The following WDR41 variants were observed in gnomAD, a reference collection of about 807,000 sequenced individuals.
WDR41 encodes the protein WD repeat domain 41, also known as WD repeat-containing protein 41.
WDR41 carries 63 observed loss-of-function variants against 69.3 expected under a neutral mutation model. The observed-to-expected ratio is 0.91, with a 90% CI of 0.74 to 1.12. WDR41 has a LOEUF of 1.12. Among genes scored for constraint, WDR41 ranks in the 50% most tolerant of loss-of-function variants. The probability of loss-of-function intolerance (pLI) is 0.00; values close to 1 mark genes in which losing one functional copy is unlikely to be tolerated. For synonymous variants in WDR41, 185 were observed against 192.1 expected, an observed-to-expected ratio of 0.96 and a Z score of 0.31; for missense variants, 543 against 534.5, an observed-to-expected ratio of 1.02 and a Z score of -0.16.
intron 1 of WDR41, among the ~76,000 whole-genome samples, chr5:77,536,070 G>A (rs777467107): frequency 2.6e-5 from 4 of 152,232 alleles, no homozygotes; most frequent in South Asian, 2.1e-4. Context: ...CCTTGGGAAT[G>A]CCACTAAAGA....
intron 2 of WDR41, among the ~76,000 whole-genome samples, chr5:77,483,026 C>T (rs1015358266): frequency 2.0e-5 from 3 of 152,178 alleles, no homozygotes; most frequent in African/African-American, 7.2e-5. Context: ...CAGCAGTTTC[C>T]ATCATATATT....
chr5:77,532,880 T>C (rs1298130066), intron 1 of WDR41, among the ~76,000 whole-genome samples: 2 of 152,134 alleles, frequency 1.3e-5, no homozygotes, highest in Non-Finnish European at 2.9e-5. Context: ...GGGATTATGA[T>C]TGGGAAACGG....
chr5:77,460,893 C>A (rs1800023811), intron 4 of WDR41, among the ~76,000 whole-genome samples: 1 of 152,074 alleles, frequency 6.6e-6, no homozygotes, highest in Admixed American at 6.6e-5. Context: ...GATGCTCAAC[C>A]TGTAGTAAAA....
chr5:77,582,875 T>C (rs915785605), intron 1 of WDR41: 19 of 1,606,140 alleles, frequency 1.2e-5, no homozygotes, highest in Non-Finnish European at 1.6e-5. Context: ...AAGAAGCGAA[T>C]TGCTTTGACA....
intron 1 of WDR41, among the ~76,000 whole-genome samples, chr5:77,517,839 A>T (rs1174510559): frequency 6.6e-6 from 1 of 152,136 alleles, no homozygotes; most frequent in Non-Finnish European, 1.5e-5. Flanking sequence ...TAATAAGAAG[A>T]AACGAACATT....
chr5:77,491,969 T>A, intron 1 of WDR41: 2 of 605,092 alleles, frequency 3.3e-6, no homozygotes, highest in Non-Finnish European at 2.8e-6. Context: ...AGGGTGCGCC[T>A]GGGGTCCCGC....
intron 2 of WDR41, among the ~76,000 whole-genome samples, chr5:77,471,854 G>A (rs1341587194): frequency 6.6e-6 from 1 of 152,172 alleles, no homozygotes; most frequent in Non-Finnish European, 1.5e-5. Flanking sequence ...GAGGTACAAG[G>A]AGAAGCTGGT....
At chr5:77,459,193 C>T (rs1799945501) in intron 4 of WDR41, 69 bp from the exon 5 acceptor site, 8 of 1,135,908 alleles carry the variant, frequency 7.0e-6, no homozygotes, top group Non-Finnish European at 1.0e-5. Context: ...TTCTAATTAA[C>T]AATTAAGCCA....
rs765785617 is a variant in WDR41, at chr5:77,598,644, C to CTTTTTTTTTTTTTTTTTTT, written c.42+21834_42+21835insAAAAAAAAAAAAAAAAAAA. ...GAAGTTATGTGAATCAGTAAGTTTC[C>CTTTTTTTTTTTTTTTTTTT]TTTTTTTTTTTGTTTTTTTTGTAGC... On this transcript the variant is annotated intron_variant, in intron 1 of 5. Transcript: ENST00000509971. Among the ~76,000 whole-genome samples, 3 of 121,358 alleles carry CTTTTTTTTTTTTTTTTTTT rather than the reference C, an allele frequency of 2.5e-5. 1 individual carries two copies. The highest frequency in any genetic ancestry group is 3.5e-5 in the Non-Finnish European group (2 of 57,108). 79.6% of individuals were successfully genotyped at this position (121,358 alleles called of 152,430 possible).
At chr5:77,613,396 A>G (rs1173054473) in intron 1 of WDR41, among the ~76,000 whole-genome samples, 1 of 152,108 alleles carries the variant, frequency 6.6e-6, no homozygotes, top group African/African-American at 2.4e-5. Flanking sequence ...TTCAAACTAT[A>G]CTACAAGGCT....
chr5:77,475,726 CAG>C (rs966781069), intron 2 of WDR41, among the ~76,000 whole-genome samples: 10 of 152,260 alleles, frequency 6.6e-5, no homozygotes, highest in African/African-American at 2.2e-4. Context: ...GGGGAAAAAA[CAG>C]AGCAGAAAAA....
At chr5:77,579,790 TTCTTA>T (rs1360035312) in intron 1 of WDR41, among the ~76,000 whole-genome samples, 2 of 152,228 alleles carry the variant, frequency 1.3e-5, no homozygotes, top group Non-Finnish European at 2.9e-5. Flanking sequence ...ATTTTCCCCT[TTCTTA>T]TCTTCACTGA....
chr5:77,554,049 G>A (rs1291510171), intron 1 of WDR41, among the ~76,000 whole-genome samples: 1 of 152,174 alleles, frequency 6.6e-6, no homozygotes, highest in African/African-American at 2.4e-5. Flanking sequence ...GATGGTTAAA[G>A]AAATTGTGGT....
intron 1 of WDR41, among the ~76,000 whole-genome samples, chr5:77,519,325 A>G (rs1446653850): frequency 6.6e-6 from 1 of 151,968 alleles, no homozygotes; most frequent in Non-Finnish European, 1.5e-5. Flanking sequence ...CTTGAGCAGT[A>G]GACACCATAA....
intron 1 of WDR41, chr5:77,545,804 G>A (rs1580002586): frequency 2.0e-6 from 2 of 1,021,896 alleles, no homozygotes; most frequent in African/African-American, 3.3e-5. Context: ...TGGGTGTTAA[G>A]TGCTCCAAGG....
At chr5:77,518,542 GT>G in intron 1 of WDR41, among the ~76,000 whole-genome samples, 1 of 152,146 alleles carries the variant, frequency 6.6e-6, no homozygotes, top group East Asian at 1.9e-4. Context: ...TTATAGCCTT[GT>G]TTTCCCTAAG....
Position 77,492,193 on chromosome 5 carries a change from G to C in WDR41, c.28C>G (p.Arg10Gly), listed in dbSNP as rs536583855. The change falls in exon 1 of 13, where the codon CGA becomes GGA. Residue 10 changes from arginine (R) to glycine (G), a missense_variant. Transcript: ENST00000296679. The stretch of plus-strand genomic sequence containing the variant: ...ACCTCGGCCAGTCCCTGCGGTTCTC[G>C]GCCTCCCCCGATCAGCCATCGCAAC... MLRWLIGGGREPQGLAEKSP... is the reference protein window; with the variant it reads MLRWLIGGGGEPQGLAEKSP... The C allele has an allele frequency of 1.3e-5, 21 of 1,612,352 alleles. No homozygotes were observed. The South Asian group carries it at 2.1e-4, about 16-fold the overall frequency.
At chr5:77,556,208 A>C (rs1252236532) in intron 1 of WDR41, among the ~76,000 whole-genome samples, 1 of 149,416 alleles carries the variant, frequency 6.7e-6, no homozygotes, top group Non-Finnish European at 1.5e-5. Context: ...GGTTCAAGCA[A>C]TTCTCCTGCC....
chr5:77,602,357 C>A (rs986028720), intron 1 of WDR41, among the ~76,000 whole-genome samples: 3 of 152,126 alleles, frequency 2.0e-5, no homozygotes, highest in Non-Finnish European at 4.4e-5. Flanking sequence ...TCAGGCTGGT[C>A]TCGAACTCCC....
Sources: allele counts gnomAD v4.1 joint callset (sites outside exome capture counted in the v4.1 genomes callset), GRCh38; gene constraint gnomAD v4.1.1; transcripts MANE v1.5; gene names NCBI Gene and HGNC (gene_info 2026-07-23, HGNC 2026-07-21).